The following RHBDF1 variants were observed in gnomAD, a reference collection of about 807,000 sequenced individuals.
The protein encoded by RHBDF1 is rhomboid 5 homolog 1, also known as inactive rhomboid protein 1.
Under a neutral mutation model 98.6 loss-of-function variants are expected in RHBDF1, and 80 were observed. The ratio of observed to expected loss-of-function variants is 0.81; its 90% CI spans 0.68 to 0.98. RHBDF1 has a LOEUF of 0.98. RHBDF1 is among the 50% of genes least tolerant of loss of function. The pLI, the probability that RHBDF1 is intolerant of heterozygous loss-of-function variation, is 0.00. For missense variants in RHBDF1, 1,116 were observed against 1,198.3 expected (o/e 0.93, Z 1.01); for synonymous variants, 512 against 486.8 (o/e 1.05, Z -0.68).
Position 64,047 on chromosome 16 carries a change from C to T in RHBDF1, c.249-247G>A, listed in dbSNP as rs1468396801. 6 of 671,468 alleles carry T rather than the reference C, an allele frequency of 8.9e-6. No homozygotes were observed. In the South Asian group the frequency reaches 1.0e-4, roughly 11 times the overall value. The allele number at this position is 671,468 out of a possible 1,614,324, so 41.6% of individuals were successfully genotyped here. A position where few individuals can be genotyped will look rare whatever the true frequency, so the allele number is the denominator to read the frequency against. On this transcript the variant is annotated intron_variant, in intron 3 of 17. Transcript: ENST00000262316. ...CGGTTGAGTGCTTCATAGAGGCCCT[C>T]ACCCCACCATCCCTGAGGGGCAGTT...
intron 1 of RHBDF1, 98 bp from the exon 2 acceptor site, chr16:65,137 A>C (rs1167571604): frequency 5.4e-6 from 7 of 1,291,750 alleles, no homozygotes; most frequent in Non-Finnish European, 6.2e-6. Flanking sequence ...GATGAGCCCA[A>C]CCGTGGTGCT....
rs143660402 is a variant in RHBDF1 at position 63,638 on chromosome 16, G to A, written c.411C>T (p.Thr137=). Residue 137 remains threonine, a synonymous_variant, in exon 4 of 18, where the codon ACC becomes ACT. Transcript: ENST00000262316. ...CCACGTAGAGTGGGGGTGGCGTCTCGGTGCTGGTCAGCGACACGTTGTCCT... is the reference window on the plus strand; with the variant it reads ...CCACGTAGAGTGGGGGTGGCGTCTCAGTGCTGGTCAGCGACACGTTGTCCT... ...PSQDNVSLTS[T]ETPPPLYVGP... is the part of the protein sequence containing the mutation. The A allele has an allele frequency of 1.6e-3, 2,563 of 1,598,748 alleles. 6 individuals are homozygous for A. Among genetic ancestry groups the A allele is most frequent in the Non-Finnish European group, 2.0e-3 (2,375 of 1,172,686 alleles).
chr16:63,841 C>T, intron 3 of RHBDF1, 41 bp from the exon 4 acceptor site: 1 of 1,572,968 alleles, frequency 6.4e-7, no homozygotes, highest in Non-Finnish European at 8.7e-7. Flanking sequence ...CCAGATCGCC[C>T]CTCCCAGGCA....
At chr16:75,153 C>T (rs1201350465), upstream of RHBDF1, among the ~76,000 whole-genome samples, 3 of 152,232 alleles carry the variant, frequency 2.0e-5, no homozygotes, top group Non-Finnish European at 4.4e-5. Context: ...CTCCCGGCCC[C>T]TCTCTTCCCG....
rs1407549465 is a variant in RHBDF1 at position 61,285 on chromosome 16, CGG to C, written c.1396-6_1396-5del. The stretch of plus-strand genomic sequence containing the variant: ...CGCCCAGGTGGATGAGGGCCTCCTG[CGG>C]GCGAGGGAGACGAGCGGCCGCAGTC... On this transcript the variant is annotated splice_polypyrimidine_tract_variant and splice_region_variant and intron_variant, in intron 10 of 17. Coordinates refer to ENST00000262316, the MANE Select transcript of RHBDF1 (RefSeq NM_022450.5). 5 of 1,542,432 alleles carry C rather than the reference CGG, an allele frequency of 3.2e-6. No homozygotes were observed. In the Admixed American group the frequency reaches 9.9e-5, roughly 31 times the overall value.
intron 7 of RHBDF1, 66 bp downstream of exon 7, chr16:62,472 C>G (rs1021957952): frequency 6.4e-7 from 1 of 1,572,416 alleles, no homozygotes; most frequent in Admixed American, 1.7e-5. Flanking sequence ...TGCCGATACT[C>G]GCCCAGCTGT....
Position 60,441 on chromosome 16 carries a change from G to C in RHBDF1, c.1656C>G (p.Pro552=), listed in dbSNP as rs1897567341. Reference sequence around the variant, plus strand: ...AGAGAGCTGCCGGCAGGACTAACCTGGGATCCTGGTGGCAGACAGAGCCAA... The same window carrying C: ...AGAGAGCTGCCGGCAGGACTAACCTCGGATCCTGGTGGCAGACAGAGCCAA... ...RQFGSVCHQD[P]RVCDEPSSED... The change falls in exon 12 of 18, where the codon CCC becomes CCG. Residue 552 remains proline (P), a splice_region_variant and synonymous_variant. Transcript: ENST00000262316. 1 of 1,611,922 alleles carries C rather than the reference G, an allele frequency of 6.2e-7. No homozygotes were observed. Among genetic ancestry groups the C allele is most frequent in the African/African-American group, 1.3e-5 (1 of 75,054 alleles).
At chr16:70,011 A>AGGGGGGGG (rs11306273) in intron 1 of RHBDF1, among the ~76,000 whole-genome samples, 1 of 79,098 alleles carries the variant, frequency 1.3e-5, no homozygotes, top group African/African-American at 2.9e-5. Flanking sequence ...ACTTGGCAGG[A>AGGGGGGGG]GGGGGGGGGG....
At chr16:65,912 C>G (rs533086459) in intron 1 of RHBDF1, among the ~76,000 whole-genome samples, 2 of 152,368 alleles carry the variant, frequency 1.3e-5, no homozygotes, top group South Asian at 4.1e-4. Context: ...CGGGGCATTG[C>G]AAGCTTGGCT....
In RHBDF1 at chr16:58,739, C is replaced by T. The variant is rs202098368; in HGVS notation, c.2169G>A (p.Gln723=). Residue 723 remains glutamine (Q), a synonymous_variant, in exon 18 of 18, where the codon CAG becomes CAA. Coordinates refer to ENST00000262316, the MANE Select transcript of RHBDF1 (RefSeq NM_022450.5). ...CGAAGAGGCAGGCCAGGATGCCGAA[C>T]TGGGAGCCAGCAGGACCCACCTGGG... The part of the protein sequence containing the change: ...YRAEVGPAGS[Q]FGILACLFVE... 2 of 1,612,590 alleles carry T rather than the reference C, an allele frequency of 1.2e-6. No individual in the cohort carries two copies. Among genetic ancestry groups the T allele is most frequent in the Non-Finnish European group, 1.7e-6 (2 of 1,179,732 alleles).
At chr16:68,307 G>T (rs538841268) in intron 1 of RHBDF1, among the ~76,000 whole-genome samples, 1 of 152,348 alleles carries the variant, frequency 6.6e-6, no homozygotes, top group Non-Finnish European at 1.5e-5. Context: ...GGCCTCAAGT[G>T]GGTGGGATTC....
chr16:70,202 A>T (rs1007430383), intron 1 of RHBDF1, among the ~76,000 whole-genome samples: 4 of 152,230 alleles, frequency 2.6e-5, no homozygotes, highest in African/African-American at 9.6e-5. Flanking sequence ...GCAAGGACTT[A>T]GCTACACTAG....
intron 17 of RHBDF1, 97 bp from the exon 18 acceptor site, chr16:58,856 C>T (rs1386503539): frequency 6.4e-7 from 1 of 1,552,428 alleles, no homozygotes; most frequent in African/African-American, 1.4e-5. Context: ...TGGCCCAGAG[C>T]ATATTGGGAC....
At chr16:74,351 T>C (rs1188077957), upstream of RHBDF1, among the ~76,000 whole-genome samples, 1 of 152,242 alleles carries the variant, frequency 6.6e-6, no homozygotes, top group Non-Finnish European at 1.5e-5. Flanking sequence ...CTCCAAAGCA[T>C]GCCACAGCTG....
chr16:71,561 G>A (rs1897969251), intron 1 of RHBDF1, among the ~76,000 whole-genome samples: 1 of 152,196 alleles, frequency 6.6e-6, no homozygotes, highest in African/African-American at 2.4e-5. Context: ...TCTTCTCCCG[G>A]TCTCCAACAG....
rs745490694 is a variant in RHBDF1 at position 59,496 on chromosome 16, T to C, written c.1818-2A>G. On this transcript the variant is annotated splice_acceptor_variant, in intron 14 of 17. Transcript: ENST00000262316. LOFTEE classifies it high-confidence loss of function. ...TACTCCCGGGAGGTGATCTCACACC[T>C]AGAAAGGCAGGCCAGGGTTCGGAGA... is the stretch of plus-strand genomic sequence containing the variant. The C allele has an allele frequency of 1.2e-6, 2 of 1,612,772 alleles. No individual in the cohort carries two copies. Among genetic ancestry groups the C allele is most frequent in the Non-Finnish European group, 1.7e-6 (2 of 1,179,640 alleles).
chr16:60,640 C>G (rs185643123), intron 11 of RHBDF1, 101 bp from the exon 12 acceptor site: 2 of 774,308 alleles, frequency 2.6e-6, no homozygotes, highest in Non-Finnish European at 4.3e-6. Flanking sequence ...CTCTTCCCTC[C>G]GCTTCTACAA....
At chr16:68,855 G>A (rs558355305) in intron 1 of RHBDF1, among the ~76,000 whole-genome samples, 60 of 152,324 alleles carry the variant, frequency 3.9e-4, no homozygotes, top group Admixed American at 1.5e-3. Flanking sequence ...CAAGCTGGCC[G>A]CGTGCACAGG....
intron 7 of RHBDF1, 72 bp downstream of exon 7, chr16:62,466 G>A (rs1277025026): frequency 9.0e-6 from 14 of 1,560,984 alleles, no homozygotes; most frequent in East Asian, 4.5e-5. Context: ...GGTGAATGCC[G>A]ATACTCGCCC....
Sources: allele counts gnomAD v4.1 joint callset (sites outside exome capture counted in the v4.1 genomes callset), GRCh38; gene constraint gnomAD v4.1.1; transcripts MANE v1.5; gene names NCBI Gene and HGNC (gene_info 2026-07-23, HGNC 2026-07-21).